Variants in STPG2 observed in about 807,000 individuals in gnomAD.
STPG2 encodes sperm-tail PG-rich repeat-containing protein 2.
STPG2 carries 56 observed loss-of-function variants against 54.2 expected under a neutral mutation model. The ratio of observed to expected loss-of-function variants is 1.03; its 90% CI spans 0.83 to 1.29. The LOEUF is 1.29. Among genes scored for constraint, STPG2 ranks in the 50% most tolerant of loss-of-function variants. The probability of loss-of-function intolerance (pLI) is 0.00; values close to 1 mark genes in which losing one functional copy is unlikely to be tolerated. For synonymous variants in STPG2, 200 were observed against 181.8 expected (o/e 1.10, Z -0.81); for missense variants, 596 against 544.9 (o/e 1.09, Z -0.93).
chr4:97,479,448 C>A (rs1465770768), intron 4 of STPG2, among the ~76,000 whole-genome samples: 1 of 151,864 alleles, frequency 6.6e-6, no homozygotes, highest in Non-Finnish European at 1.5e-5. Flanking sequence ...CAAAATCTAT[C>A]CAAAATCCCT....
chr4:97,965,571 T>G (rs1342661877), intron 7 of STPG2, among the ~76,000 whole-genome samples: 3 of 152,138 alleles, frequency 2.0e-5, no homozygotes, highest in Non-Finnish European at 4.4e-5. Context: ...GTAGACGAAC[T>G]AGGAGACACT....
intron 5 of STPG2, among the ~76,000 whole-genome samples, chr4:98,007,627 A>T (rs1394779121): frequency 6.6e-6 from 1 of 152,156 alleles, no homozygotes; most frequent in Admixed American, 6.5e-5. Flanking sequence ...AAATTTGTGA[A>T]ATGCAAGATA....
intron 10 of STPG2, among the ~76,000 whole-genome samples, chr4:97,578,337 G>A (rs1732775100): frequency 1.3e-5 from 2 of 152,016 alleles, no homozygotes; most frequent in South Asian, 2.1e-4. Context: ...TGTTTTCTAT[G>A]ACCAAATTAT....
intron 5 of STPG2, among the ~76,000 whole-genome samples, chr4:98,059,443 T>C (rs980671788): frequency 3.3e-5 from 5 of 152,008 alleles, no homozygotes; most frequent in Admixed American, 1.3e-4. Context: ...GCTTAGTACC[T>C]GATGGATTCA....
rs138166958 is a variant in STPG2, at chr4:97,888,270, C to T, written c.1045-47338G>A. On this transcript the variant is annotated intron_variant, in intron 8 of 10. Transcript: ENST00000295268. Reference sequence around the variant, plus strand: ...CCAGACCCCAGAATGGTAGATCCACCGACAGCTTGTACCCTCAGCCTGGAA... The same window carrying T: ...CCAGACCCCAGAATGGTAGATCCACTGACAGCTTGTACCCTCAGCCTGGAA... 1.8e-3 allele frequency among the ~76,000 whole-genome samples: 274 copies of T among 152,264 alleles called. 1 individual carries two copies. Among genetic ancestry groups the T allele is most frequent in the African/African-American group, 6.1e-3 (253 of 41,556 alleles).
intron 5 of STPG2, among the ~76,000 whole-genome samples, chr4:98,040,690 C>T (rs1736925651): frequency 2.0e-5 from 3 of 151,832 alleles, no homozygotes; most frequent in Admixed American, 2.0e-4. Flanking sequence ...TATTTTTATA[C>T]CAGTACCATG....
At chr4:97,918,815 G>A (rs1453689883) in intron 8 of STPG2, among the ~76,000 whole-genome samples, 10 of 152,118 alleles carry the variant, frequency 6.6e-5, no homozygotes, top group Admixed American at 6.5e-4. Flanking sequence ...AAACTCGGGG[G>A]AAGGGTGGGA....
chr4:97,570,601 G>T (rs529796673), intron 10 of STPG2, among the ~76,000 whole-genome samples: 3 of 152,018 alleles, frequency 2.0e-5, no homozygotes, highest in Non-Finnish European at 4.4e-5. Context: ...TGCTACCAGG[G>T]GGAACAAAGG....
intron 5 of STPG2, among the ~76,000 whole-genome samples, chr4:97,991,455 GTGTGTA>G (rs1275758324): frequency 1.5e-4 from 21 of 142,628 alleles, no homozygotes; most frequent in African/African-American, 3.7e-4. Flanking sequence ...GTGTGTGTGT[GTGTGTA>G]TATATATATA....
chr4:98,143,250 T>A lies in STPG2; in HGVS notation c.-100A>T, dbSNP rs934534389. 2.3e-6 allele frequency: 2 copies of A among 860,480 alleles called. No individual in the cohort carries two copies. Among genetic ancestry groups the A allele is most frequent in the Non-Finnish European group, 3.6e-6 (2 of 557,212 alleles). 53.3% of individuals were successfully genotyped at this position (860,480 alleles called of 1,614,324 possible). A position where few individuals can be genotyped will look rare whatever the true frequency, so the allele number is the denominator to read the frequency against. On this transcript the variant is annotated 5_prime_UTR_variant, in exon 1 of 11. Coordinates refer to ENST00000295268, the MANE Select transcript of STPG2 (RefSeq NM_174952.3). The stretch of plus-strand genomic sequence containing the variant: ...GAGAAAAAGGAAGCCGACACCAGTC[T>A]GAGGAGGCCGGGAAAGAACTTCCGT...
intron 9 of STPG2, among the ~76,000 whole-genome samples, chr4:97,813,094 C>CT (rs1184676626): frequency 2.0e-5 from 3 of 152,060 alleles, no homozygotes; most frequent in African/African-American, 7.2e-5. Flanking sequence ...ACCACTACTG[C>CT]TTTTTTGCAA....
intron 9 of STPG2, among the ~76,000 whole-genome samples, chr4:97,736,826 T>C (rs1159254649): frequency 6.6e-6 from 1 of 152,208 alleles, no homozygotes; most frequent in Non-Finnish European, 1.5e-5. Context: ...CAGACTTAAA[T>C]GTCCCTGTCT....
intron 8 of STPG2, among the ~76,000 whole-genome samples, chr4:97,869,882 C>A (rs1405279918): frequency 6.6e-6 from 1 of 151,404 alleles, no homozygotes; most frequent in Non-Finnish European, 1.5e-5. Context: ...ATCTTCTCAC[C>A]AATAATATGA....
chr4:97,778,549 T>A (rs1726470074), intron 9 of STPG2, among the ~76,000 whole-genome samples: 1 of 152,186 alleles, frequency 6.6e-6, no homozygotes, highest in Non-Finnish European at 1.5e-5. Flanking sequence ...CTCTGCAGAC[T>A]TAACTGTCCC....
intron 5 of STPG2, among the ~76,000 whole-genome samples, chr4:98,072,718 T>C (rs1001905940): frequency 2.0e-5 from 3 of 152,196 alleles, no homozygotes; most frequent in African/African-American, 7.2e-5. Context: ...CCCATTAGGC[T>C]AGGAGATCAG....
chr4:97,934,043 G>A (rs1188185249), intron 8 of STPG2, among the ~76,000 whole-genome samples: 2 of 152,118 alleles, frequency 1.3e-5, no homozygotes, highest in Non-Finnish European at 2.9e-5. Context: ...ATTTTCTTGA[G>A]CAGTGGTTTG....
chr4:98,099,803 T>G (rs867191719), intron 5 of STPG2, among the ~76,000 whole-genome samples: 51 of 152,310 alleles, frequency 3.3e-4, no homozygotes, highest in Middle Eastern at 3.4e-3. Flanking sequence ...AAAACTTTTT[T>G]TAATGTTTTT....
intron 5 of STPG2, among the ~76,000 whole-genome samples, chr4:98,023,950 G>C (rs1329049374): frequency 1.3e-5 from 2 of 152,124 alleles, no homozygotes; most frequent in African/African-American, 4.8e-5. Flanking sequence ...TCTTTGACTA[G>C]CAAAGGGAAC....
At chr4:97,686,697 T>C (rs1723199856) in intron 10 of STPG2, among the ~76,000 whole-genome samples, 1 of 152,056 alleles carries the variant, frequency 6.6e-6, no homozygotes, top group Admixed American at 6.6e-5. Context: ...ATACTTTTAT[T>C]TCCTGGATGA....
Sources: allele counts gnomAD v4.1 joint callset (sites outside exome capture counted in the v4.1 genomes callset), GRCh38; gene constraint gnomAD v4.1.1; transcripts MANE v1.5; gene names NCBI Gene and HGNC (gene_info 2026-07-23, HGNC 2026-07-21).